GRID1: variants seen among roughly 807,000 people sequenced by gnomAD.
GRID1 encodes glutamate receptor ionotropic, delta-1.
In GRID1, 28 loss-of-function variants were observed where a neutral mutation model predicts 98.0. The observed-to-expected ratio is 0.29, with a 90% CI of 0.21 to 0.39. GRID1 has a LOEUF of 0.39. Ranked by LOEUF, GRID1 falls within the 10% of genes least tolerant of loss-of-function variation. The pLI is 1.00. For missense variants in GRID1, 1,111 were observed against 1,340.5 expected (o/e 0.83, Z 2.67); for synonymous variants, 553 against 538.5 (o/e 1.03, Z -0.37).
chr10:85,784,548 C>T (rs955092116), intron 8 of GRID1, among the ~76,000 whole-genome samples: 1 of 152,258 alleles, frequency 6.6e-6, no homozygotes, highest in Non-Finnish European at 1.5e-5. Flanking sequence ...TTTCCCCCTT[C>T]TACCAAGTGG....
intron 4 of GRID1, among the ~76,000 whole-genome samples, chr10:85,973,737 A>G (rs937264875): frequency 6.6e-6 from 1 of 152,208 alleles, no homozygotes. Context: ...TTGAGAATAG[A>G]CTTTTTAAGT....
intron 8 of GRID1, among the ~76,000 whole-genome samples, chr10:85,753,924 C>G (rs576839143): frequency 2.6e-5 from 4 of 152,332 alleles, no homozygotes; most frequent in Non-Finnish European, 4.4e-5. Flanking sequence ...TGGACACATA[C>G]AAGGTCATCA....
rs76888095 is a variant in GRID1 at position 86,017,715 on chromosome 10, G to A, written c.727-101476C>T. 1.8e-3 allele frequency among the ~76,000 whole-genome samples: 280 copies of A among 152,340 alleles called. 1 individual carries two copies. The highest frequency in any genetic ancestry group is 0.014 in the Middle Eastern group (4 of 294). ...GTGTCCTTCCACCCTTGAGTTATTT[G>A]TGTGAATCAAAGTAGCTCTCCCTGA... On this transcript the variant is annotated intron_variant, in intron 4 of 15. Transcript: ENST00000327946.
intron 5 of GRID1, among the ~76,000 whole-genome samples, chr10:85,898,816 T>G (rs1841334077): frequency 6.6e-6 from 1 of 152,144 alleles, no homozygotes; most frequent in Non-Finnish European, 1.5e-5. Context: ...CTTTCTTCTT[T>G]GTAACTAGAA....
At position 85,816,926 on chromosome 10, in the gene GRID1, T is replaced by C. The variant is rs140748597; in HGVS notation, c.1233+37570A>G. Among the ~76,000 whole-genome samples, 643 of 152,296 alleles carry C rather than the reference T, an allele frequency of 4.2e-3. 7 individuals carry two copies. The highest frequency in any genetic ancestry group is 0.014 in the African/African-American group (602 of 41,576). On this transcript the variant is annotated intron_variant, in intron 8 of 15. Transcript: ENST00000327946. Reference sequence around the variant, plus strand: ...CTAGCAGCCATGTGTTCTCATTGTTTAGCTCCCACTTATAACTGAGAACAT... The same window carrying C: ...CTAGCAGCCATGTGTTCTCATTGTTCAGCTCCCACTTATAACTGAGAACAT...
At chr10:86,118,704 G>C (rs957528816) in intron 4 of GRID1, among the ~76,000 whole-genome samples, 7 of 152,120 alleles carry the variant, frequency 4.6e-5, no homozygotes, top group African/African-American at 1.7e-4. Context: ...GCCTCAGCCA[G>C]GTGGTCAAGG....
intron 4 of GRID1, among the ~76,000 whole-genome samples, chr10:86,103,718 G>C (rs1386656693): frequency 1.3e-5 from 2 of 152,200 alleles, no homozygotes; most frequent in African/African-American, 4.8e-5. Flanking sequence ...GGGGCCCTTA[G>C]GAAAGGTGTG....
intron 2 of GRID1, among the ~76,000 whole-genome samples, chr10:86,265,529 A>C (rs976681434): frequency 6.6e-6 from 1 of 152,262 alleles, no homozygotes; most frequent in Admixed American, 6.5e-5. Flanking sequence ...GTCTGAATCC[A>C]GAGCCCCAGG....
At chr10:85,714,914 A>G (rs546935965) in intron 12 of GRID1, among the ~76,000 whole-genome samples, 2 of 152,308 alleles carry the variant, frequency 1.3e-5, no homozygotes, top group South Asian at 2.1e-4. Context: ...TGTGACCACA[A>G]AAGTCCTCTG....
intron 4 of GRID1, among the ~76,000 whole-genome samples, chr10:85,976,218 A>C (rs1210152113): frequency 6.6e-6 from 1 of 152,226 alleles, no homozygotes; most frequent in Non-Finnish European, 1.5e-5. Context: ...CAACAAAATG[A>C]CCAGAGATCA....
chr10:85,774,300 C>T (rs1360325003), intron 8 of GRID1, among the ~76,000 whole-genome samples: 1 of 152,188 alleles, frequency 6.6e-6, no homozygotes, highest in African/African-American at 2.4e-5. Flanking sequence ...GGATCCCTTC[C>T]TTACACCTTA....
At chr10:86,028,530 T>C (rs551090968) in intron 4 of GRID1, among the ~76,000 whole-genome samples, 3 of 152,340 alleles carry the variant, frequency 2.0e-5, no homozygotes, top group African/African-American at 7.2e-5. Flanking sequence ...AGAACTATCT[T>C]TAGATATTGG....
At chr10:86,053,605 C>T (rs1433786246) in intron 4 of GRID1, among the ~76,000 whole-genome samples, 2 of 152,000 alleles carry the variant, frequency 1.3e-5, no homozygotes, top group Non-Finnish European at 2.9e-5. Context: ...CCGCCCGCCT[C>T]GGCCTCCCAA....
At chr10:86,107,747 C>T (rs893929913) in intron 4 of GRID1, among the ~76,000 whole-genome samples, 4 of 152,134 alleles carry the variant, frequency 2.6e-5, no homozygotes, top group Non-Finnish European at 5.9e-5. Context: ...GGCTGGACAT[C>T]GAGAGGAGCA....
chr10:86,178,179 C>T (rs529884378), intron 3 of GRID1, among the ~76,000 whole-genome samples: 98 of 152,322 alleles, frequency 6.4e-4, no homozygotes, highest in African/African-American at 2.1e-3. Context: ...CTCCTAGTGG[C>T]CAACTCACCA....
intron 4 of GRID1, among the ~76,000 whole-genome samples, chr10:85,993,938 G>A (rs1419982209): frequency 6.6e-6 from 1 of 151,922 alleles, no homozygotes; most frequent in Non-Finnish European, 1.5e-5. Flanking sequence ...TCATGTCCAA[G>A]CCCTGTCAGG....
intron 4 of GRID1, among the ~76,000 whole-genome samples, chr10:85,938,173 G>A (rs1367810509): frequency 6.6e-6 from 1 of 152,150 alleles, no homozygotes; most frequent in Admixed American, 6.5e-5. Context: ...CTGGATGGGA[G>A]AATCCAACTC....
intron 8 of GRID1, among the ~76,000 whole-genome samples, chr10:85,800,546 G>A (rs1251307720): frequency 6.6e-6 from 1 of 151,908 alleles, no homozygotes; most frequent in Non-Finnish European, 1.5e-5. Flanking sequence ...TGACCACATA[G>A]CTAAATTTAT....
At position 86,164,005 on chromosome 10, in the gene GRID1, C is replaced by A. The variant is rs143505086; in HGVS notation, c.521-24981G>T. On this transcript the variant is annotated intron_variant, in intron 3 of 15. Transcript: ENST00000327946. Reference sequence around the variant, plus strand: ...TCAGGCCTGAGGCCCCTGCACCACCCGGTGCTGCTCACTCCAGCTGGCCAT... The same window carrying A: ...TCAGGCCTGAGGCCCCTGCACCACCAGGTGCTGCTCACTCCAGCTGGCCAT... Among the ~76,000 whole-genome samples, 34 of 152,262 alleles carry A rather than the reference C, an allele frequency of 2.2e-4. 1 individual carries two copies. The East Asian group carries it at 6.6e-3, about 29-fold the overall frequency.
Sources: allele counts gnomAD v4.1 joint callset (sites outside exome capture counted in the v4.1 genomes callset), GRCh38; gene constraint gnomAD v4.1.1; transcripts MANE v1.5; gene names NCBI Gene and HGNC (gene_info 2026-07-23, HGNC 2026-07-21).